The following RNF135 variants were observed in gnomAD, a reference collection of about 807,000 sequenced individuals.
RNF135 encodes the protein ring finger protein 135.
In RNF135, 46 loss-of-function variants were observed where a neutral mutation model predicts 41.9. The observed-to-expected ratio is 1.10, with a 90% CI of 0.87 to 1.40. The LOEUF is 1.40. Among genes scored for constraint, RNF135 ranks in the 40% most tolerant of loss-of-function variants. The pLI, the probability that RNF135 is intolerant of heterozygous loss-of-function variation, is 0.00. For synonymous variants in RNF135, 238 were observed against 223.8 expected (o/e 1.06, Z -0.57); for missense variants, 539 against 549.8 (o/e 0.98, Z 0.20).
At chr17:30,972,733 T>C (rs1455504970) in intron 1 of RNF135, 1 of 152,262 alleles carries the variant, frequency 6.6e-6, no homozygotes, top group African/African-American at 2.4e-5. Context: ...TTATTCCTTT[T>C]ATGGGGCTGA....
At chr17:30,970,675 T>G (rs1043385694), upstream of RNF135, 1 of 243,322 alleles carries the variant, frequency 4.1e-6, no homozygotes, top group African/African-American at 2.3e-5. Flanking sequence ...AATGGAGTCC[T>G]CTCCTCCCAA....
At chr17:30,965,430 TA>T in the RNF135 span, 1 of 152,062 alleles carries the variant, frequency 6.6e-6, no homozygotes, top group Non-Finnish European at 1.5e-5. Context: ...ATACATAACA[TA>T]AAAGCACCTT....
chr17:30,978,626 T>A lies in RNF135; in HGVS notation c.373-5991T>A, dbSNP rs190961454. 1.9e-3 allele frequency: 279 copies of A among 150,484 alleles called. 1 individual carries two copies. The highest frequency in any genetic ancestry group is 6.5e-3 in the African/African-American group (265 of 40,670). The allele number at this position is 150,484 out of a possible 1,614,324, so 9.3% of individuals were successfully genotyped here. On this transcript the variant is annotated intron_variant, in intron 1 of 4. Transcript: ENST00000328381. ...TATTTTTTATTTTTTATTTTTTTTT[T>A]ATTGATCATTCTTGGGTGTTTCTCG...
At chr17:30,968,161 G>C (rs1029869268), upstream of RNF135, among the ~76,000 whole-genome samples, 9 of 151,174 alleles carry the variant, frequency 6.0e-5, no homozygotes, top group Non-Finnish European at 8.8e-5. Context: ...GGTGGCGAGC[G>C]CCTGTAATCT....
At chr17:30,965,816 C>T in the RNF135 span, among the ~76,000 whole-genome samples, 16 of 150,760 alleles carry the variant, frequency 1.1e-4, no homozygotes, top group Admixed American at 4.6e-4. Context: ...GCAGTCATTA[C>T]GGGTGTGGAA....
At chr17:30,978,496 G>C (rs943839444) in intron 1 of RNF135, 2 of 151,976 alleles carry the variant, frequency 1.3e-5, no homozygotes, top group Non-Finnish European at 2.9e-5. Context: ...TCTAATACTT[G>C]ATCGATTTTG....
intron 1 of RNF135, chr17:30,975,349 C>G: frequency 1.4e-6 from 1 of 721,926 alleles, no homozygotes; most frequent in East Asian, 2.5e-5. Flanking sequence ...GCTACTTATG[C>G]CTGCACCTGA....
At chr17:30,989,083 A>G (rs1296929323) in intron 3 of RNF135, among the ~76,000 whole-genome samples, 3 of 149,052 alleles carry the variant, frequency 2.0e-5, no homozygotes, top group African/African-American at 7.3e-5. Flanking sequence ...TTAACAAAGC[A>G]TATAGGCCAA....
At chr17:30,966,801 G>A (rs1282831971), upstream of RNF135, among the ~76,000 whole-genome samples, 2 of 151,538 alleles carry the variant, frequency 1.3e-5, no homozygotes, top group Non-Finnish European at 2.9e-5. Flanking sequence ...CACCGCGCCC[G>A]ACCTCAAATT....
Position 30,987,886 on chromosome 17 carries a change from A to T in RNF135, c.517-58A>T, listed in dbSNP as rs562088565. 6.8e-6 allele frequency: 10 copies of T among 1,462,538 alleles called. No homozygotes were observed. The African/African-American group carries it at 1.4e-4, about 20-fold the overall frequency. The allele number at this position is 1,462,538 out of a possible 1,614,324, so 90.6% of individuals were successfully genotyped here. A position where few individuals can be genotyped will look rare whatever the true frequency, so the allele number is the denominator to read the frequency against. Reference sequence around the variant, plus strand: ...ATGAATAGAAAAACTTGAATATAATAGTTGATAGACTGCATAGGGGACTTC... The same window carrying T: ...ATGAATAGAAAAACTTGAATATAATTGTTGATAGACTGCATAGGGGACTTC... On this transcript the variant is annotated intron_variant, in intron 2 of 4. Coordinates refer to ENST00000328381, the MANE Select transcript of RNF135 (RefSeq NM_032322.4).
intron 1 of RNF135, chr17:30,973,196 A>T (rs1329937206): frequency 6.6e-6 from 1 of 152,186 alleles, no homozygotes; most frequent in African/African-American, 2.4e-5. Flanking sequence ...TGACCATTTT[A>T]AAATTGGGTT....
Position 30,999,471 on chromosome 17 carries a change from T to C in RNF135, c.*280T>C. On this transcript the variant is annotated 3_prime_UTR_variant, in exon 5 of 5. Coordinates refer to ENST00000328381, the MANE Select transcript of RNF135 (RefSeq NM_032322.4). ...GTGATACAGGATGAACTTGGGATGTTTGAACCCTGGACATTCCAAATAAAG... is the reference window on the plus strand; with the variant it reads ...GTGATACAGGATGAACTTGGGATGTCTGAACCCTGGACATTCCAAATAAAG... 1 of 446,450 alleles carries C rather than the reference T, an allele frequency of 2.2e-6. No homozygotes were observed. The highest frequency in any genetic ancestry group is 4.2e-6 in the Non-Finnish European group (1 of 240,132). The allele number at this position is 446,450 out of a possible 1,614,324, so 27.7% of individuals were successfully genotyped here. A position where few individuals can be genotyped will look rare whatever the true frequency, so the allele number is the denominator to read the frequency against.
At chr17:30,983,320 CATATATATATATATATATATATAT>C (rs1189144519) in intron 1 of RNF135, among the ~76,000 whole-genome samples, 4 of 37,070 alleles carry the variant, frequency 1.1e-4, no homozygotes, top group African/African-American at 2.5e-4. Context: ...CATATATGTA[CATATATATATATATATATATATAT>C]ATATATATAT....
chr17:30,963,433 T>G, the RNF135 span, among the ~76,000 whole-genome samples: 1 of 151,876 alleles, frequency 6.6e-6, no homozygotes, highest in South Asian at 2.1e-4. Flanking sequence ...ATACAACAAA[T>G]TAGCCGGGTG....
chr17:30,967,101 T>A (rs1905582203), upstream of RNF135, among the ~76,000 whole-genome samples: 1 of 151,950 alleles, frequency 6.6e-6, no homozygotes, highest in Non-Finnish European at 1.5e-5. Flanking sequence ...GTGGTGCCAT[T>A]TCAGCTCACT....
rs1405839612 is a variant in RNF135, at chr17:30,971,118, C to G, written c.45C>G (p.Ala15=). 1.3e-6 allele frequency: 2 copies of G among 1,534,262 alleles called. No individual in the cohort carries two copies. Among genetic ancestry groups the G allele is most frequent in the Admixed American group, 2.0e-5 (1 of 50,940 alleles). Residue 15 remains alanine (A), a synonymous_variant, in exon 1 of 5, where the codon GCC becomes GCG. Transcript: ENST00000328381. ...GLGSAVPVWL[A]EDDLGCIICQ... is the part of the protein sequence containing the mutation. Reference sequence around the variant, plus strand: ...GCTCCGCCGTTCCCGTGTGGCTGGCCGAGGACGACCTCGGCTGCATCATCT... The same window carrying G: ...GCTCCGCCGTTCCCGTGTGGCTGGCGGAGGACGACCTCGGCTGCATCATCT...
At chr17:30,997,441 C>CA in intron 4 of RNF135, 110 bp downstream of exon 4, 1 of 957,680 alleles carries the variant, frequency 1.0e-6, no homozygotes, top group Non-Finnish European at 1.7e-6. Flanking sequence ...GCTTACTGCA[C>CA]ATGGATTTGT....
intron 1 of RNF135, among the ~76,000 whole-genome samples, chr17:30,974,760 A>T (rs1480328473): frequency 6.6e-6 from 1 of 151,810 alleles, no homozygotes; most frequent in Middle Eastern, 3.4e-3. Context: ...GCTCACTGCA[A>T]CCTCCATCTC....
Position 30,999,055 on chromosome 17 carries a change from C to T in RNF135, c.1163C>T (p.Ala388Val), listed in dbSNP as rs751728903. ...CTGAACCTTGAGGAGGGAAAGCTTG[C>T]CTTCTATTCAGTGGACAATCAGGAG... ...IWLNLEEGKL[A>V]FYSVDNQEKL... The change falls in exon 5 of 5, where the codon GCC becomes GTC. Residue 388 changes from alanine to valine, a missense_variant. Physicochemically the swap from Ala to Val is moderately conservative, Grantham distance 64. Around this residue, in one of 2 missense-constraint regions of RNF135, gnomAD observed 262 missense variants for 336.9 expected, o/e 0.78. Transcript: ENST00000328381. The T allele has an allele frequency of 4.3e-6, 7 of 1,614,028 alleles. No individual in the cohort carries two copies. The highest frequency in any genetic ancestry group is 2.2e-5 in the East Asian group (1 of 44,898).
Sources: allele counts gnomAD v4.1 joint callset (sites outside exome capture counted in the v4.1 genomes callset), GRCh38; gene constraint gnomAD v4.1.1; regional missense constraint gnomAD v4.1.1; transcripts MANE v1.5; gene names NCBI Gene and HGNC (gene_info 2026-07-23, HGNC 2026-07-21).